HIP1: variants seen among roughly 807,000 people sequenced by gnomAD.
HIP1 encodes huntingtin-interacting protein 1.
HIP1 carries 65 observed loss-of-function variants against 147.6 expected under a neutral mutation model. That is an observed-to-expected ratio of 0.44 (90% CI 0.36 to 0.54). The LOEUF is 0.54. HIP1 is among the 20% of genes least tolerant of loss of function. The probability of loss-of-function intolerance (pLI) is 0.00; values close to 1 mark genes in which losing one functional copy is unlikely to be tolerated. For synonymous variants in HIP1, 479 were observed against 504.0 expected (o/e 0.95, Z 0.67); for missense variants, 1,061 against 1,299.6 (o/e 0.82, Z 2.82).
intron 1 of HIP1, among the ~76,000 whole-genome samples, chr7:75,647,245 A>AAAAAAAAAAAAAAAAAAAG (rs1798828658): frequency 6.9e-6 from 1 of 145,020 alleles, no homozygotes; most frequent in Non-Finnish European, 1.5e-5. Context: ...AAAAAAAAAA[A>AAAAAAAAAAAAAAAAAAAG]AAATTAGCCA....
intron 1 of HIP1, among the ~76,000 whole-genome samples, chr7:75,604,968 C>T (rs913404147): frequency 1.1e-4 from 17 of 152,066 alleles, no homozygotes; most frequent in South Asian, 8.3e-4. Context: ...GTGTGTATAG[C>T]TGAGAATCAG....
At chr7:75,604,980 A>G (rs1554503625) in intron 1 of HIP1, among the ~76,000 whole-genome samples, 1 of 152,134 alleles carries the variant, frequency 6.6e-6, no homozygotes, top group Non-Finnish European at 1.5e-5. Flanking sequence ...GAGAATCAGG[A>G]AAGTTCTGTG....
At chr7:75,605,689 C>G (rs1180987483) in intron 1 of HIP1, among the ~76,000 whole-genome samples, 2 of 152,114 alleles carry the variant, frequency 1.3e-5, no homozygotes, top group African/African-American at 4.8e-5. Context: ...TTGCACATTA[C>G]CACGCCTGGC....
chr7:75,596,772 A>T (rs898008412), intron 2 of HIP1, among the ~76,000 whole-genome samples: 2 of 152,184 alleles, frequency 1.3e-5, no homozygotes, highest in Non-Finnish European at 2.9e-5. Context: ...AGTGAGCCCG[A>T]GAGTTCCAGT....
At chr7:75,732,317 CT>C (rs1554523137) in intron 1 of HIP1, among the ~76,000 whole-genome samples, 1 of 152,106 alleles carries the variant, frequency 6.6e-6, no homozygotes, top group African/African-American at 2.4e-5. Context: ...CATTAAGATC[CT>C]TTGCTCTGAC....
At chr7:75,620,947 G>C (rs1228710453) in intron 1 of HIP1, among the ~76,000 whole-genome samples, 3 of 152,036 alleles carry the variant, frequency 2.0e-5, no homozygotes, top group Non-Finnish European at 4.4e-5. Flanking sequence ...AAAGTGACGA[G>C]AGGCTGGCGT....
chr7:75,602,146 G>A (rs1797012402), intron 1 of HIP1, among the ~76,000 whole-genome samples: 1 of 151,454 alleles, frequency 6.6e-6, no homozygotes, highest in South Asian at 2.1e-4. Flanking sequence ...GACTACAGGC[G>A]CATGCCACCA....
chr7:75,588,924 T>C (rs868926695), intron 4 of HIP1, among the ~76,000 whole-genome samples: 21 of 152,064 alleles, frequency 1.4e-4, no homozygotes, highest in African/African-American at 4.1e-4. Context: ...GGCTGAGGCA[T>C]TGGATCACCT....
intron 1 of HIP1, among the ~76,000 whole-genome samples, chr7:75,696,097 C>T (rs970191608): frequency 6.6e-6 from 1 of 152,030 alleles, no homozygotes; most frequent in East Asian, 1.9e-4. Flanking sequence ...AGCAATCCTC[C>T]TGCCTCACTC....
chr7:75,579,174 G>C (rs1373616457), intron 7 of HIP1, among the ~76,000 whole-genome samples: 1 of 152,030 alleles, frequency 6.6e-6, no homozygotes, highest in Non-Finnish European at 1.5e-5. Flanking sequence ...GTCTGACTGG[G>C]AATAGCTTAG....
intron 1 of HIP1, among the ~76,000 whole-genome samples, chr7:75,668,318 T>C (rs1554514827): frequency 6.6e-6 from 1 of 152,058 alleles, no homozygotes; most frequent in East Asian, 1.9e-4. Context: ...CTTCCCAACT[T>C]TTGTTTTGTA....
At chr7:75,643,430 G>A (rs1047707244) in intron 1 of HIP1, among the ~76,000 whole-genome samples, 1 of 152,092 alleles carries the variant, frequency 6.6e-6, no homozygotes, top group Non-Finnish European at 1.5e-5. Flanking sequence ...CCAGGAGTTC[G>A]AGACCAGCCT....
intron 1 of HIP1, among the ~76,000 whole-genome samples, chr7:75,651,460 C>CAAAAAAAAAAA (rs1168846001): frequency 2.7e-4 from 12 of 44,128 alleles, no homozygotes; most frequent in African/African-American, 6.5e-4. Context: ...CTCCATATCT[C>CAAAAAAAAAAA]AAAAAAAAAA....
intron 1 of HIP1, chr7:75,639,309 G>T (rs1584909946): frequency 4.7e-6 from 1 of 211,042 alleles, no homozygotes; most frequent in Non-Finnish European, 7.8e-6. Flanking sequence ...CGCAGCGCGC[G>T]CCGGGGGCGG....
In HIP1 at chr7:75,538,154, T is replaced by C. The variant is rs376901000; in HGVS notation, c.*18A>G. ...GGTAACAAGGATTTACACTGACATATGGGGTGTTGGTTTGGCTCTATTCTT... is the reference window on the plus strand; with the variant it reads ...GGTAACAAGGATTTACACTGACATACGGGGTGTTGGTTTGGCTCTATTCTT... On this transcript the variant is annotated 3_prime_UTR_variant, in exon 31 of 31. Coordinates refer to ENST00000336926, the MANE Select transcript of HIP1 (RefSeq NM_005338.7). 2.5e-6 allele frequency: 4 copies of C among 1,597,026 alleles called. No homozygotes were observed. The highest frequency in any genetic ancestry group is 3.3e-5 in the Admixed American group (2 of 59,900).
At chr7:75,570,081 G>A (rs957832052) in intron 8 of HIP1, among the ~76,000 whole-genome samples, 1 of 148,430 alleles carries the variant, frequency 6.7e-6, no homozygotes, top group Non-Finnish European at 1.5e-5. Context: ...CTACAGGCGC[G>A]CGCCACCACA....
At position 75,537,036 on chromosome 7, in the gene HIP1, G is replaced by T. The variant is rs782303918; in HGVS notation, c.*1136C>A. The T allele has an allele frequency of 4.3e-5, 10 of 232,430 alleles. No individual in the cohort carries two copies. Among genetic ancestry groups the T allele is most frequent in the Non-Finnish European group, 6.8e-5 (8 of 117,608 alleles). 14.4% of individuals were successfully genotyped at this position (232,430 alleles called of 1,614,324 possible). On this transcript the variant is annotated 3_prime_UTR_variant, in exon 31 of 31. Transcript: ENST00000336926. ...TGCCAAGGCAGACGTCTGCAGAAAG[G>T]AGTTGGGAATCACTCCCACACTCCG...
chr7:75,614,470 G>C (rs1797562578), intron 1 of HIP1, among the ~76,000 whole-genome samples: 1 of 152,122 alleles, frequency 6.6e-6, no homozygotes, highest in Non-Finnish European at 1.5e-5. Flanking sequence ...ACATGAAATG[G>C]GACACAATGT....
intron 4 of HIP1, among the ~76,000 whole-genome samples, chr7:75,587,223 G>C (rs1265715379): frequency 6.6e-6 from 1 of 152,178 alleles, no homozygotes; most frequent in East Asian, 1.9e-4. Context: ...TTACACTACA[G>C]GTGTGAGCCA....
Sources: allele counts gnomAD v4.1 joint callset (sites outside exome capture counted in the v4.1 genomes callset), GRCh38; gene constraint gnomAD v4.1.1; transcripts MANE v1.5; gene names NCBI Gene and HGNC (gene_info 2026-07-23, HGNC 2026-07-21).